OXCT1: variants seen among roughly 807,000 people sequenced by gnomAD.
OXCT1 encodes 3-oxoacid CoA-transferase 1, also known as succinyl-CoA:3-ketoacid coenzyme A transferase 1, mitochondrial.
A neutral mutation model predicts 69.6 loss-of-function variants in OXCT1; 27 were observed. The observed-to-expected ratio is 0.39, with a 90% CI of 0.29 to 0.54. The LOEUF (loss-of-function observed/expected upper bound fraction) is 0.54, where lower values mean the gene tolerates loss of function less well. OXCT1 is among the 20% of genes least tolerant of loss of function. The pLI, the probability that OXCT1 is intolerant of heterozygous loss-of-function variation, is 0.72. For missense variants in OXCT1, 437 were observed against 650.2 expected, an observed-to-expected ratio of 0.67 and a Z score of 3.57; for synonymous variants, 202 against 217.8, an observed-to-expected ratio of 0.93 and a Z score of 0.64.
chr5:41,844,063 G>A lies in OXCT1; in HGVS notation c.565-1282C>T, dbSNP rs191710853. Among the ~76,000 whole-genome samples the A allele has an allele frequency of 8.7e-4, 132 of 152,320 alleles. 1 individual carries two copies. In the East Asian group the frequency reaches 0.015, roughly 18 times the overall value. On this transcript the variant is annotated intron_variant, in intron 5 of 16. Coordinates refer to ENST00000196371, the MANE Select transcript of OXCT1 (RefSeq NM_000436.4). ...AAAACTGGGGTAAATATATGCAAAT[G>A]CAAGGCAAAGTCAATAAATAGGCTT...
Position 41,731,422 on chromosome 5 carries a change from G to T in OXCT1, c.*307C>A, listed in dbSNP as rs775299089. 7.2e-5 allele frequency: 75 copies of T among 1,045,206 alleles called. No homozygotes were observed. The highest frequency in any genetic ancestry group is 8.6e-5 in the Non-Finnish European group (73 of 852,550). 64.7% of individuals were successfully genotyped at this position (1,045,206 alleles called of 1,614,324 possible). On this transcript the variant is annotated 3_prime_UTR_variant, in exon 17 of 17. Coordinates refer to ENST00000196371, the MANE Select transcript of OXCT1 (RefSeq NM_000436.4). ...ACATCAATTTCTAGGGCCCTTCTTG[G>T]GGAAAGGTTCATATAATTTAGCATA...
intron 14 of OXCT1, among the ~76,000 whole-genome samples, chr5:41,758,916 G>A (rs1744213364): frequency 6.6e-6 from 1 of 152,058 alleles, no homozygotes; most frequent in African/African-American, 2.4e-5. Flanking sequence ...AGGAAATGTA[G>A]CCAGTCACTG....
chr5:41,841,092 G>A (rs888336543), intron 6 of OXCT1, among the ~76,000 whole-genome samples: 16 of 152,142 alleles, frequency 1.1e-4, no homozygotes, highest in South Asian at 2.1e-4. Flanking sequence ...ATCAGACCCC[G>A]AGGTGTAAAA....
At chr5:41,742,823 G>A (rs533312703) in intron 15 of OXCT1, among the ~76,000 whole-genome samples, 3 of 152,200 alleles carry the variant, frequency 2.0e-5, no homozygotes, top group South Asian at 4.2e-4. Flanking sequence ...CTTTTTTATG[G>A]CTGCATAGTA....
At chr5:41,772,514 A>T (rs569890704) in intron 13 of OXCT1, among the ~76,000 whole-genome samples, 1 of 152,336 alleles carries the variant, frequency 6.6e-6, no homozygotes, top group South Asian at 2.1e-4. Flanking sequence ...ATTGCAAAAG[A>T]TCATGCTATG....
chr5:41,861,462 G>T (rs1272188575), intron 2 of OXCT1, 58 bp from the exon 3 acceptor site: 3 of 980,920 alleles, frequency 3.1e-6, no homozygotes, highest in Non-Finnish European at 5.0e-6. Flanking sequence ...TTCTTTCAGA[G>T]AAGTGTGTGT....
chr5:41,861,181 A>T, intron 3 of OXCT1, 133 bp downstream of exon 3: 3 of 723,512 alleles, frequency 4.1e-6, no homozygotes, highest in South Asian at 1.5e-5. Flanking sequence ...TGACCTTGTT[A>T]AACACTAGAT....
chr5:41,767,714 A>ATGTG (rs1360902771), intron 13 of OXCT1, among the ~76,000 whole-genome samples: 3 of 56,144 alleles, frequency 5.3e-5, no homozygotes, highest in African/African-American at 1.8e-4. Context: ...TCTAATATAT[A>ATGTG]TGTGTGTGTA....
At chr5:41,807,189 T>C (rs551198313) in intron 8 of OXCT1, 142 bp downstream of exon 8, 69 of 676,290 alleles carry the variant, frequency 1.0e-4, no homozygotes, top group East Asian at 4.1e-4. Flanking sequence ...CCCATGATGA[T>C]AGACACATGA....
intron 7 of OXCT1, among the ~76,000 whole-genome samples, chr5:41,822,612 T>C (rs1412929042): frequency 2.0e-5 from 3 of 152,244 alleles, no homozygotes; most frequent in Non-Finnish European, 4.4e-5. Context: ...TAGCCAGAAT[T>C]ACAGGCGTGT....
chr5:41,853,587 G>T (rs1435916183), intron 3 of OXCT1, 33 bp from the exon 4 acceptor site: 1 of 1,608,358 alleles, frequency 6.2e-7, no homozygotes, highest in East Asian at 2.2e-5. Flanking sequence ...TTACCAAAGA[G>T]CATCTGACAG....
chr5:41,784,592 T>TAA (rs977478412), intron 13 of OXCT1, among the ~76,000 whole-genome samples: 4 of 152,228 alleles, frequency 2.6e-5, no homozygotes, highest in African/African-American at 9.7e-5. Flanking sequence ...GTGAAGCACA[T>TAA]AAGAGCAAAG....
intron 13 of OXCT1, among the ~76,000 whole-genome samples, chr5:41,781,018 C>T (rs1244823288): frequency 1.3e-5 from 2 of 152,094 alleles, no homozygotes; most frequent in Admixed American, 6.5e-5. Context: ...ATTCTCCTGC[C>T]TCAGCCTCCC....
At position 41,807,285 on chromosome 5, in the gene OXCT1, C is replaced by G. The variant is rs200415477; in HGVS notation, c.840+46G>C. On this transcript the variant is annotated intron_variant, in intron 8 of 16. Coordinates refer to ENST00000196371, the MANE Select transcript of OXCT1 (RefSeq NM_000436.4). ...GAATGGCCCCAGGGATGCACTATCT[C>G]TGTAACTGGATCCATGAATACTGAC... is the stretch of plus-strand genomic sequence containing the variant. 8.7e-6 allele frequency: 9 copies of G among 1,029,816 alleles called. 1 individual carries two copies. In the Admixed American group the frequency reaches 1.5e-4, roughly 17 times the overall value. 63.8% of individuals were successfully genotyped at this position (1,029,816 alleles called of 1,614,324 possible). A position where few individuals can be genotyped will look rare whatever the true frequency, so the allele number is the denominator to read the frequency against.
intron 14 of OXCT1, among the ~76,000 whole-genome samples, chr5:41,760,481 CTA>C (rs1223027702): frequency 6.6e-6 from 1 of 152,062 alleles, no homozygotes; most frequent in Non-Finnish European, 1.5e-5. Context: ...TTATTTTCCT[CTA>C]TCAGAAATTC....
chr5:41,794,072 G>A lies in OXCT1; in HGVS notation c.1179C>T (p.His393=), dbSNP rs760609787. 11 of 1,611,776 alleles carry A rather than the reference G, an allele frequency of 6.8e-6. No individual in the cohort carries two copies. The South Asian group carries it at 8.8e-5, about 13-fold the overall frequency. The change falls in exon 13 of 17, where the codon CAC becomes CAT. Residue 393 remains histidine, a synonymous_variant. Transcript: ENST00000196371. The part of the protein sequence containing the change: ...DESFAMIRGG[H]VDLTMLGAMQ... Reference sequence around the variant, plus strand: ...TCGCTCCTAGCATTGTCAGATCGACGTGTCCACTGAGAAAGAAAGAGGAAG... The same window carrying A: ...TCGCTCCTAGCATTGTCAGATCGACATGTCCACTGAGAAAGAAAGAGGAAG...
In OXCT1 at chr5:41,853,512, C is replaced by T. The variant is rs369367955; in HGVS notation, c.321G>A (p.Gln107=). 1.1e-5 allele frequency: 18 copies of T among 1,613,890 alleles called. No homozygotes were observed. The highest frequency in any genetic ancestry group is 1.5e-5 in the Non-Finnish European group (18 of 1,179,864). ...FGLGLLLRSK[Q]IKRMVSSYVG... ...CATATGAAGAGACCATGCGTTTTAT[C>T]TGCTTGGACCGAAGCAAAAGCCCCA... Residue 107 remains glutamine, a synonymous_variant, in exon 4 of 17, where the codon CAG becomes CAA. Coordinates refer to ENST00000196371, the MANE Select transcript of OXCT1 (RefSeq NM_000436.4).
chr5:41,799,404 A>G (rs1166995800), intron 11 of OXCT1, among the ~76,000 whole-genome samples: 1 of 152,212 alleles, frequency 6.6e-6, no homozygotes, highest in East Asian at 1.9e-4. Flanking sequence ...CCCATAAGCA[A>G]TGAATTCTTG....
At chr5:41,842,811 T>A in intron 5 of OXCT1, 30 bp from the exon 6 acceptor site, 1 of 1,396,530 alleles carries the variant, frequency 7.2e-7, no homozygotes, top group African/African-American at 1.4e-5. Flanking sequence ...CATCATCAGG[T>A]ATTTGCATAG....
Sources: gnomAD v4.1 joint callset for allele counts (sites outside exome capture counted in the v4.1 genomes callset) on GRCh38, gnomAD v4.1.1 for gene constraint, MANE v1.5 for transcripts, NCBI Gene and HGNC (gene_info 2026-07-23, HGNC 2026-07-21) for gene names.